Variants in PHF2 observed in about 807,000 individuals in gnomAD.
The protein encoded by PHF2 is PHD finger protein 2, also known as lysine-specific demethylase PHF2.
Under a neutral mutation model 120.5 loss-of-function variants are expected in PHF2, and 27 were observed. That is an observed-to-expected ratio of 0.22 (90% CI 0.17 to 0.31). PHF2 has a LOEUF of 0.31. Ranked by LOEUF, PHF2 falls within the 10% of genes least tolerant of loss-of-function variation. The pLI is 1.00. For synonymous variants in PHF2, 568 were observed against 592.5 expected (o/e 0.96, Z 0.60); for missense variants, 1,024 against 1,434.8 (o/e 0.71, Z 4.63).
chr9:93,660,115 A>G (rs1242040657), intron 11 of PHF2, 77 bp from the exon 12 acceptor site: 3 of 1,445,990 alleles, frequency 2.1e-6, no homozygotes, highest in Non-Finnish European at 2.7e-6. Context: ...GAGTGTCTCC[A>G]GCATCCTGGT....
chr9:93,638,997 C>T (rs999544730), intron 3 of PHF2, among the ~76,000 whole-genome samples: 2 of 152,150 alleles, frequency 1.3e-5, no homozygotes, highest in Non-Finnish European at 2.9e-5. Flanking sequence ...GGATTACAAG[C>T]GTGAGCCACC....
chr9:93,673,736 G>C lies in PHF2; in HGVS notation c.2500G>C (p.Gly834Arg). ...SLAAHGARKN[G>R]GGSGKSAGKR... Reference sequence around the variant, plus strand: ...GGCTGCCCATGGTGCCCGGAAGAATGGGGGTGGCAGTGGCAAGAGTGCAGG... The same window carrying C: ...GGCTGCCCATGGTGCCCGGAAGAATCGGGGTGGCAGTGGCAAGAGTGCAGG... The change falls in exon 18 of 22, where the codon GGG becomes CGG. Residue 834 changes from glycine to arginine, a missense_variant. Gly to Arg is a moderately radical substitution (Grantham distance 125). Transcript: ENST00000359246. The C allele has an allele frequency of 1.2e-6, 2 of 1,613,398 alleles. No individual in the cohort carries two copies. The highest frequency in any genetic ancestry group is 1.7e-6 in the Non-Finnish European group (2 of 1,179,766).
Position 93,637,838 on chromosome 9 carries a change from A to C in PHF2, c.299+1313A>C, listed in dbSNP as rs575739793. ...TGGGTCATATGGTAACTCTCTGTTT[A>C]ACTGTTTGAAGAACTGTCAGACTGT... On this transcript the variant is annotated intron_variant, in intron 3 of 21. Transcript: ENST00000359246. Among the ~76,000 whole-genome samples the C allele has an allele frequency of 3.3e-5, 5 of 152,322 alleles. No individual in the cohort carries two copies. In the South Asian group the frequency reaches 6.2e-4, roughly 19 times the overall value.
chr9:93,659,663 C>T, intron 11 of PHF2, 63 bp downstream of exon 11: 3 of 1,477,628 alleles, frequency 2.0e-6, no homozygotes, highest in Non-Finnish European at 2.8e-6. Flanking sequence ...ACCTGTCTTT[C>T]TCTGGGTCCA....
At chr9:93,589,198 A>G (rs10123412) in intron 1 of PHF2, among the ~76,000 whole-genome samples, 7,337 of 152,288 alleles carry the variant, frequency 0.048, 606 homozygotes, top group African/African-American at 0.17. Flanking sequence ...CCAAGTGCTC[A>G]CTGAAAGTTT....
At chr9:93,663,728 C>T in intron 14 of PHF2, 93 bp downstream of exon 14, 1 of 709,694 alleles carries the variant, frequency 1.4e-6, no homozygotes, top group East Asian at 2.5e-5. Flanking sequence ...CCTTATACCA[C>T]ACACACATTA....
chr9:93,592,218 G>C (rs563666231), intron 1 of PHF2, among the ~76,000 whole-genome samples: 1 of 152,068 alleles, frequency 6.6e-6, no homozygotes, highest in Non-Finnish European at 1.5e-5. Context: ...GGGATCTCAG[G>C]GTCTTTTTCT....
chr9:93,647,299 C>G (rs372914903), intron 4 of PHF2, among the ~76,000 whole-genome samples: 36 of 152,208 alleles, frequency 2.4e-4, no homozygotes, highest in African/African-American at 8.7e-4. Flanking sequence ...AGAGCTGGGT[C>G]CTGCCCTGCC....
At chr9:93,659,625 C>G in intron 11 of PHF2, 25 bp downstream of exon 11, 1 of 1,601,892 alleles carries the variant, frequency 6.2e-7, no homozygotes, top group Non-Finnish European at 8.6e-7. Flanking sequence ...AGGTGCTGGG[C>G]TGGACCCCTG....
intron 1 of PHF2, among the ~76,000 whole-genome samples, chr9:93,588,998 GC>G: frequency 6.6e-6 from 1 of 152,310 alleles, no homozygotes; most frequent in African/African-American, 2.4e-5. Flanking sequence ...AGTCCCTCTG[GC>G]CACTTGAAGG....
chr9:93,676,934 C>A lies in PHF2; in HGVS notation c.3173C>A (p.Ser1058Ter). 1 of 1,568,780 alleles carries A rather than the reference C, an allele frequency of 6.4e-7. No homozygotes were observed. Among genetic ancestry groups the A allele is most frequent in the Admixed American group, 1.8e-5 (1 of 54,578 alleles). ...CTCACACAGAGGCGGCCCTCCGCAT[C>A]GTCTCCAAACAACAACACCGCTGCC... ...VFLTQRRPSA[S>*]SPNNNTAAKG... Residue 1058 changes from serine (S) to a stop codon, truncating the protein, a stop_gained, in exon 21 of 22, where the codon TCG (serine) becomes TAG (stop). Coordinates refer to ENST00000359246, the MANE Select transcript of PHF2 (RefSeq NM_005392.4). LOFTEE classifies it high-confidence loss of function.
In PHF2 at chr9:93,675,739, G is replaced by C. The variant is rs1448922974; in HGVS notation, c.2782G>C (p.Ala928Pro). 5 of 1,613,044 alleles carry C rather than the reference G, an allele frequency of 3.1e-6. No homozygotes were observed. The highest frequency in any genetic ancestry group is 4.2e-6 in the Non-Finnish European group (5 of 1,179,936). The change falls in exon 20 of 22, where the codon GCT becomes CCT. Residue 928 changes from alanine to proline, a missense_variant. Ala to Pro is a conservative substitution (Grantham distance 27, BLOSUM62 -1). This residue lies in a region of PHF2 where 677 missense variants were observed against 857.4 expected (regional missense o/e 0.79). Transcript: ENST00000359246. Reference protein sequence around the residue: ...DRPVREGTRVASIETGLAAAA... With the variant: ...DRPVREGTRVPSIETGLAAAA... ...GCCTGTGCGTGAGGGTACACGGGTG[G>C]CTTCCATCGAGACCGGGCTGGCGGC... is the stretch of plus-strand genomic sequence containing the variant.
At chr9:93,585,432 GCACAGTT>G (rs1357670647) in intron 1 of PHF2, among the ~76,000 whole-genome samples, 1 of 152,252 alleles carries the variant, frequency 6.6e-6, no homozygotes, top group African/African-American at 2.4e-5. Context: ...GGGACAGCAA[GCACAGTT>G]ATGGAGCAGT....
intron 2 of PHF2, 89 bp from the exon 3 acceptor site, chr9:93,636,322 G>A (rs1469694862): frequency 2.5e-5 from 24 of 953,756 alleles, no homozygotes; most frequent in Non-Finnish European, 3.4e-5. Flanking sequence ...TTGTTAGTAG[G>A]CTGGGTGGGC....
At chr9:93,660,734 TC>T (rs1483149456) in intron 12 of PHF2, among the ~76,000 whole-genome samples, 174 bp downstream of exon 12, 1 of 152,176 alleles carries the variant, frequency 6.6e-6, no homozygotes, top group Admixed American at 6.5e-5. Context: ...AAGATGCACT[TC>T]CTTGCCTGGT....
chr9:93,676,932 A>G lies in PHF2; in HGVS notation c.3171A>G (p.Ala1057=), dbSNP rs1004585711. Residue 1057 remains alanine (A), a synonymous_variant, in exon 21 of 22, where the codon GCA becomes GCG. Coordinates refer to ENST00000359246, the MANE Select transcript of PHF2 (RefSeq NM_005392.4). ...GVFLTQRRPS[A]SSPNNNTAAK... ...TTCTCACACAGAGGCGGCCCTCCGCATCGTCTCCAAACAACAACACCGCTG... is the reference window on the plus strand; with the variant it reads ...TTCTCACACAGAGGCGGCCCTCCGCGTCGTCTCCAAACAACAACACCGCTG... 3.0e-5 allele frequency: 47 copies of G among 1,570,146 alleles called. No individual in the cohort carries two copies. The highest frequency in any genetic ancestry group is 4.1e-5 in the Non-Finnish European group (47 of 1,155,388).
intron 12 of PHF2, 38 bp from the exon 13 acceptor site, chr9:93,662,869 T>C (rs1826602905): frequency 6.2e-7 from 1 of 1,612,122 alleles, no homozygotes; most frequent in Admixed American, 1.7e-5. Flanking sequence ...ACCAGCCCTC[T>C]ATGTCTGCCT....
chr9:93,618,425 A>G lies in PHF2; in HGVS notation c.99-11545A>G, dbSNP rs377363975. On this transcript the variant is annotated intron_variant, in intron 1 of 21. Coordinates refer to ENST00000359246, the MANE Select transcript of PHF2 (RefSeq NM_005392.4). Reference sequence around the variant, plus strand: ...CACATGGCAATGTACGTCTGCCTGCATACACGTGCACACACAAACGGGCAT... The same window carrying G: ...CACATGGCAATGTACGTCTGCCTGCGTACACGTGCACACACAAACGGGCAT... Among the ~76,000 whole-genome samples, 9 of 152,402 alleles carry G rather than the reference A, an allele frequency of 5.9e-5. No individual in the cohort carries two copies. The East Asian group carries it at 9.6e-4, about 16-fold the overall frequency.
At chr9:93,661,845 T>A (rs1244278875) in intron 12 of PHF2, among the ~76,000 whole-genome samples, 1 of 151,370 alleles carries the variant, frequency 6.6e-6, no homozygotes, top group Non-Finnish European at 1.5e-5. Context: ...GATGGATGGA[T>A]TGATGAATAA....
Sources: gnomAD v4.1 joint callset for allele counts (sites outside exome capture counted in the v4.1 genomes callset) on GRCh38, gnomAD v4.1.1 for gene constraint, gnomAD v4.1.1 regional missense constraint, MANE v1.5 for transcripts, NCBI Gene and HGNC (gene_info 2026-07-23, HGNC 2026-07-21) for gene names.